The following DKK2 variants were observed in gnomAD, a reference collection of about 807,000 sequenced individuals.
The protein encoded by DKK2 is dickkopf-related protein 2.
DKK2 carries 11 observed loss-of-function variants against 28.1 expected under a neutral mutation model. That is an observed-to-expected ratio of 0.39 (90% CI 0.25 to 0.65). DKK2 has a LOEUF of 0.65. Ranked by LOEUF, DKK2 falls within the 30% of genes least tolerant of loss-of-function variation. The pLI, the probability that DKK2 is intolerant of heterozygous loss-of-function variation, is 0.47. For synonymous variants in DKK2, 135 were observed against 126.5 expected, an observed-to-expected ratio of 1.07 and a Z score of -0.45; for missense variants, 326 against 335.5, an observed-to-expected ratio of 0.97 and a Z score of 0.22.
At chr4:106,928,663 C>T (rs1724457646) in intron 1 of DKK2, among the ~76,000 whole-genome samples, 1 of 152,026 alleles carries the variant, frequency 6.6e-6, no homozygotes, top group Admixed American at 6.6e-5. Flanking sequence ...TGTCCCTTAG[C>T]CCAGATTTTT....
chr4:106,989,051 A>G (rs1398514348), intron 1 of DKK2, among the ~76,000 whole-genome samples: 4 of 152,124 alleles, frequency 2.6e-5, no homozygotes, highest in African/African-American at 9.7e-5. Context: ...CCTGTAAGTG[A>G]CCTGACAAGC....
At chr4:107,019,077 T>C (rs529849242) in intron 1 of DKK2, among the ~76,000 whole-genome samples, 552 of 152,134 alleles carry the variant, frequency 3.6e-3, no homozygotes, top group Admixed American at 5.7e-3. Flanking sequence ...TTTTGGATTT[T>C]CTCCTCAGAA....
rs1680903604 is a variant in DKK2, at chr4:106,924,665, G to A, written c.409C>T (p.Pro137Ser). The A allele has an allele frequency of 2.5e-6, 4 of 1,613,544 alleles. No homozygotes were observed. The African/African-American group carries it at 5.3e-5, about 22-fold the overall frequency. ...CIPVTESILT[P>S]HIPALDGTRH... Reference sequence around the variant, plus strand: ...GTACCATCCAGAGCCGGGATGTGAGGGGTTAAGATGCTTTCAGTAACTGGG... The same window carrying A: ...GTACCATCCAGAGCCGGGATGTGAGAGGTTAAGATGCTTTCAGTAACTGGG... Residue 137 changes from proline to serine, a missense_variant, in exon 3 of 4, where the codon CCT becomes TCT. Coordinates refer to ENST00000285311, the MANE Select transcript of DKK2 (RefSeq NM_014421.3).
intron 1 of DKK2, among the ~76,000 whole-genome samples, chr4:107,014,594 T>C (rs1276888657): frequency 6.6e-6 from 1 of 151,472 alleles, no homozygotes; most frequent in East Asian, 1.9e-4. Flanking sequence ...AAATCAACTA[T>C]AGCTAATAAC....
intron 1 of DKK2, among the ~76,000 whole-genome samples, chr4:106,946,854 C>G (rs1450996400): frequency 1.3e-5 from 2 of 152,028 alleles, no homozygotes; most frequent in Non-Finnish European, 2.9e-5. Context: ...GCTCTACCTT[C>G]TGCTCCTCAA....
chr4:106,970,577 C>G (rs1722856027), intron 1 of DKK2, among the ~76,000 whole-genome samples: 1 of 152,074 alleles, frequency 6.6e-6, no homozygotes, highest in South Asian at 2.1e-4. Flanking sequence ...ATCCCTGTTG[C>G]TATTACAGAA....
intron 1 of DKK2, among the ~76,000 whole-genome samples, chr4:106,971,367 T>C (rs1246219287): frequency 2.0e-5 from 3 of 152,080 alleles, no homozygotes; most frequent in South Asian, 2.1e-4. Context: ...ATTTCAAAAC[T>C]AATTATTAAA....
intron 1 of DKK2, among the ~76,000 whole-genome samples, chr4:107,006,365 A>G (rs1214059015): frequency 6.6e-6 from 1 of 152,112 alleles, no homozygotes; most frequent in African/African-American, 2.4e-5. Flanking sequence ...AAAGCAGTTC[A>G]TTTTTCTATA....
At chr4:107,002,773 T>C (rs1485452025) in intron 1 of DKK2, among the ~76,000 whole-genome samples, 6 of 152,200 alleles carry the variant, frequency 3.9e-5, no homozygotes, top group African/African-American at 1.4e-4. Flanking sequence ...AAAGTTCACA[T>C]CCTGGAATAA....
At chr4:106,989,443 G>T (rs975619304) in intron 1 of DKK2, among the ~76,000 whole-genome samples, 1 of 152,150 alleles carries the variant, frequency 6.6e-6, no homozygotes, top group African/African-American at 2.4e-5. Flanking sequence ...ATCATTTGAG[G>T]TTATTGAGAG....
intron 1 of DKK2, among the ~76,000 whole-genome samples, chr4:106,929,708 T>C (rs1724474186): frequency 6.6e-6 from 1 of 152,216 alleles, no homozygotes. Context: ...GGACACATTT[T>C]GAAAATAAAA....
chr4:106,944,490 T>G (rs2110344785), intron 1 of DKK2, among the ~76,000 whole-genome samples: 1 of 152,218 alleles, frequency 6.6e-6, no homozygotes, highest in African/African-American at 2.4e-5. Flanking sequence ...TATTTTTTCA[T>G]ACCCTGATCC....
chr4:107,023,902 A>G (rs1344925898), intron 1 of DKK2, among the ~76,000 whole-genome samples: 1 of 152,068 alleles, frequency 6.6e-6, no homozygotes, highest in Non-Finnish European at 1.5e-5. Flanking sequence ...TTATGTTACC[A>G]CTCTGAGATT....
chr4:106,967,332 T>C (rs1230666089), intron 1 of DKK2, among the ~76,000 whole-genome samples: 3 of 152,140 alleles, frequency 2.0e-5, no homozygotes, highest in African/African-American at 7.2e-5. Flanking sequence ...AAGTCAGAAG[T>C]ACCACAAAAA....
chr4:106,985,227 A>AG (rs1465424056), intron 1 of DKK2, among the ~76,000 whole-genome samples: 8 of 151,774 alleles, frequency 5.3e-5, no homozygotes, highest in African/African-American at 1.9e-4. Flanking sequence ...AAAAAAAAAA[A>AG]AGATTATAGG....
chr4:106,926,935 G>A (rs1179108063), intron 1 of DKK2, among the ~76,000 whole-genome samples: 1 of 152,132 alleles, frequency 6.6e-6, no homozygotes, highest in East Asian at 1.9e-4. Context: ...TGGAAGTTGA[G>A]AAACTAAAAT....
chr4:106,979,831 A>G (rs919110948), intron 1 of DKK2, among the ~76,000 whole-genome samples: 2 of 152,242 alleles, frequency 1.3e-5, no homozygotes, highest in African/African-American at 4.8e-5. Context: ...CATACATCAC[A>G]GTATCCAGGT....
intron 1 of DKK2, among the ~76,000 whole-genome samples, chr4:106,984,888 T>A (rs1723093243): frequency 6.6e-6 from 1 of 152,044 alleles, no homozygotes; most frequent in Non-Finnish European, 1.5e-5. Flanking sequence ...CCCAGAGAAA[T>A]TATGAGTGAT....
At chr4:107,022,705 C>T (rs1391639145) in intron 1 of DKK2, among the ~76,000 whole-genome samples, 11 of 151,694 alleles carry the variant, frequency 7.3e-5, no homozygotes, top group African/African-American at 2.7e-4. Context: ...GAGTAGGAAA[C>T]ATTTACAATA....
Sources: gnomAD v4.1 joint callset for allele counts (sites outside exome capture counted in the v4.1 genomes callset) on GRCh38, gnomAD v4.1.1 for gene constraint, MANE v1.5 for transcripts, NCBI Gene and HGNC (gene_info 2026-07-23, HGNC 2026-07-21) for gene names.